KIAA1217: variants seen among roughly 807,000 people sequenced by gnomAD.
The protein encoded by KIAA1217 is sickle tail protein homolog.
In KIAA1217, 88 loss-of-function variants were observed where a neutral mutation model predicts 163.9. That is an observed-to-expected ratio of 0.54 (90% CI 0.45 to 0.64). KIAA1217 has a LOEUF of 0.64. KIAA1217 is among the 30% of genes least tolerant of loss of function. The pLI, the probability that KIAA1217 is intolerant of heterozygous loss-of-function variation, is 0.00. For synonymous variants in KIAA1217, 903 were observed against 923.1 expected, an observed-to-expected ratio of 0.98 and a Z score of 0.39; for missense variants, 2,372 against 2,475.0, an observed-to-expected ratio of 0.96 and a Z score of 0.88.
intron 2 of KIAA1217, among the ~76,000 whole-genome samples, chr10:24,238,424 C>CA (rs2072580003): frequency 6.6e-6 from 1 of 152,118 alleles, no homozygotes; most frequent in African/African-American, 2.4e-5. Context: ...GGGCTGGACT[C>CA]AGATATTGAG....
intron 1 of KIAA1217, among the ~76,000 whole-genome samples, chr10:23,768,629 A>T (rs745933302): frequency 3.3e-5 from 5 of 152,220 alleles, no homozygotes; most frequent in Non-Finnish European, 7.3e-5. Flanking sequence ...TTTTAAAGAC[A>T]TAGGGGAGAA....
chr10:23,825,189 C>T (rs993944455), intron 1 of KIAA1217, among the ~76,000 whole-genome samples: 1 of 152,150 alleles, frequency 6.6e-6, no homozygotes, highest in Non-Finnish European at 1.5e-5. Flanking sequence ...TGCATCTTTT[C>T]TTTTAAGTTA....
chr10:23,967,898 A>AGTGTGTGT (rs1390718135), intron 1 of KIAA1217, among the ~76,000 whole-genome samples: 1 of 104,560 alleles, frequency 9.6e-6, no homozygotes, highest in Non-Finnish European at 1.9e-5. Flanking sequence ...TAATATATTA[A>AGTGTGTGT]ATGTGTGTGT....
chr10:23,743,898 G>GA (rs34968711), intron 1 of KIAA1217, among the ~76,000 whole-genome samples: 52 of 147,252 alleles, frequency 3.5e-4, no homozygotes, highest in South Asian at 1.5e-3. Flanking sequence ...TTAATTTTCA[G>GA]AAAAAAAAAA....
chr10:24,483,895 A>G (rs1462538146), intron 6 of KIAA1217, among the ~76,000 whole-genome samples: 2 of 152,026 alleles, frequency 1.3e-5, no homozygotes, highest in African/African-American at 2.4e-5. Context: ...TGGCGGCTCT[A>G]GGCACCCAGC....
intron 2 of KIAA1217, among the ~76,000 whole-genome samples, chr10:24,061,880 A>G (rs911194116): frequency 1.3e-5 from 2 of 152,106 alleles, no homozygotes; most frequent in Non-Finnish European, 2.9e-5. Context: ...GGTTTATCTT[A>G]TTGAGAGTCC....
At chr10:24,376,482 G>A (rs1290821669) in intron 2 of KIAA1217, among the ~76,000 whole-genome samples, 1 of 152,154 alleles carries the variant, frequency 6.6e-6, no homozygotes, top group Admixed American at 6.5e-5. Flanking sequence ...AAAATTTTAG[G>A]CAGGGTGCAG....
chr10:23,746,197 T>C (rs1158388210), intron 1 of KIAA1217, among the ~76,000 whole-genome samples: 1 of 152,156 alleles, frequency 6.6e-6, no homozygotes, highest in Non-Finnish European at 1.5e-5. Flanking sequence ...GAGAACTGCC[T>C]GTTTAAAAGA....
intron 1 of KIAA1217, among the ~76,000 whole-genome samples, chr10:23,876,450 A>G (rs1426440344): frequency 6.6e-6 from 1 of 151,920 alleles, no homozygotes; most frequent in African/African-American, 2.4e-5. Flanking sequence ...TACCCATGTA[A>G]CAAAGCGGCA....
chr10:23,960,537 G>A (rs1348357815), intron 1 of KIAA1217, among the ~76,000 whole-genome samples: 4 of 152,180 alleles, frequency 2.6e-5, no homozygotes, highest in African/African-American at 7.2e-5. Context: ...GATTACAGGC[G>A]TGAGCCACCA....
chr10:24,455,943 C>A (rs1255231681), intron 5 of KIAA1217, among the ~76,000 whole-genome samples: 3 of 152,086 alleles, frequency 2.0e-5, no homozygotes, highest in African/African-American at 7.2e-5. Flanking sequence ...GGCTGGAGTG[C>A]AGTGGTGCAG....
chr10:24,211,665 TG>T (rs2068143129), intron 1 of KIAA1217, among the ~76,000 whole-genome samples: 1 of 151,608 alleles, frequency 6.6e-6, no homozygotes, highest in African/African-American at 2.4e-5. Flanking sequence ...TCTTTTTAAA[TG>T]GGGTAATACT....
intron 1 of KIAA1217, among the ~76,000 whole-genome samples, chr10:23,934,784 A>ATTTTTTTTTTTTT (rs1164339893): frequency 6.7e-6 from 1 of 149,666 alleles, no homozygotes. Context: ...CACCCGGCTA[A>ATTTTTTTTTTTTT]TTTTTTGTAT....
At chr10:24,320,786 G>T (rs77666394) in intron 2 of KIAA1217, among the ~76,000 whole-genome samples, 2,098 of 152,240 alleles carry the variant, frequency 0.014, 47 homozygotes, top group East Asian at 0.1. Flanking sequence ...GCTCATACTT[G>T]TAATCCCAGC....
chr10:23,871,746 C>T (rs1309667050), intron 1 of KIAA1217, among the ~76,000 whole-genome samples: 2 of 152,090 alleles, frequency 1.3e-5, no homozygotes, highest in African/African-American at 4.8e-5. Context: ...CTTTTCAAGA[C>T]TCTAACTGTA....
chr10:24,004,930 T>C (rs1035548520), intron 1 of KIAA1217, among the ~76,000 whole-genome samples: 1 of 152,218 alleles, frequency 6.6e-6, no homozygotes, highest in African/African-American at 2.4e-5. Flanking sequence ...TTTGGTGTCC[T>C]GGAGGACCAA....
At chr10:24,216,818 C>T (rs1380057393) in intron 1 of KIAA1217, among the ~76,000 whole-genome samples, 3 of 136,504 alleles carry the variant, frequency 2.2e-5, no homozygotes, top group African/African-American at 8.4e-5. Context: ...TGGAGTGAGA[C>T]TCTGTGTCCA....
intron 13 of KIAA1217, among the ~76,000 whole-genome samples, chr10:24,526,674 T>A (rs1216662947): frequency 6.6e-6 from 1 of 152,146 alleles, no homozygotes; most frequent in African/African-American, 2.4e-5. Flanking sequence ...GTGAGCTTTA[T>A]TCATTCAACA....
intron 1 of KIAA1217, among the ~76,000 whole-genome samples, chr10:23,696,392 T>C (rs1304390155): frequency 2.0e-5 from 3 of 152,204 alleles, no homozygotes; most frequent in African/African-American, 7.2e-5. Context: ...GTTTCTGTGC[T>C]TCGGGAATGG....
Sources: gnomAD v4.1 joint callset for allele counts (sites outside exome capture counted in the v4.1 genomes callset) on GRCh38, gnomAD v4.1.1 for gene constraint, MANE v1.5 for transcripts, NCBI Gene and HGNC (gene_info 2026-07-23, HGNC 2026-07-21) for gene names.